Variants in TF observed in about 807,000 individuals in gnomAD.
TF encodes transferrin, also known as serotransferrin.
In TF, 55 loss-of-function variants were observed where a neutral mutation model predicts 82.4. That is an observed-to-expected ratio of 0.67 (90% CI 0.54 to 0.84). TF has a LOEUF of 0.84. Ranked by LOEUF, TF falls within the 40% of genes least tolerant of loss-of-function variation. The pLI is 0.00. For synonymous variants in TF, 332 were observed against 332.6 expected, an observed-to-expected ratio of 1.00 and a Z score of 0.02; for missense variants, 737 against 868.4, an observed-to-expected ratio of 0.85 and a Z score of 1.90.
In TF at chr3:133,777,127, AGAG is replaced by A; in HGVS notation, c.1952_1954del (p.Arg651_Asp652delinsAsn). On this transcript the variant is annotated inframe_deletion, in exon 16 of 17. Transcript: ENST00000402696. ...GTCGGAAACCAAGGACCTTCTGTTC[AGAG>A]ATGACACAGTATGTTTGGCCAAACT... The A allele has an allele frequency of 6.2e-7, 1 of 1,614,212 alleles. No individual in the cohort carries two copies. Among genetic ancestry groups the A allele is most frequent in the South Asian group, 1.1e-5 (1 of 91,086 alleles).
chr3:133,796,566 G>GC lies in TF; in HGVS notation c.*17950dup, dbSNP rs1429942928. On this transcript the variant is annotated 3_prime_UTR_variant, in exon 17 of 17. Transcript: ENST00000402696. ...GAAAATTCTGTAACCGGGCTATTGA[G>GC]CCCCTATGCTCAAGCCCTCTGCCAC... The GC allele has an allele frequency of 6.6e-6, 1 of 152,214 alleles. No individual in the cohort carries two copies. The allele number at this position is 152,214 out of a possible 1,614,324, so 9.4% of individuals were successfully genotyped here. A position where few individuals can be genotyped will look rare whatever the true frequency, so the allele number is the denominator to read the frequency against.
chr3:133,663,351 A>ATT, the TF span, among the ~76,000 whole-genome samples: 77,498 of 127,948 alleles, frequency 0.61, 24,754 homozygotes, highest in East Asian at 0.84. Flanking sequence ...AATATCATTA[A>ATT]TTTTTTTTTT....
the TF span, among the ~76,000 whole-genome samples, chr3:133,720,239 A>G: frequency 6.6e-6 from 1 of 152,152 alleles, no homozygotes; most frequent in African/African-American, 2.4e-5. Context: ...ATGGGTCTGT[A>G]ATAGGTGGTC....
intron 9 of TF, among the ~76,000 whole-genome samples, chr3:133,763,004 T>A (rs1456560867): frequency 6.6e-6 from 1 of 152,182 alleles, no homozygotes; most frequent in Non-Finnish European, 1.5e-5. Context: ...AGTAAAATAG[T>A]AGGAGAGCAA....
At chr3:133,726,101 T>C in the TF span, among the ~76,000 whole-genome samples, 2 of 152,246 alleles carry the variant, frequency 1.3e-5, no homozygotes, top group Non-Finnish European at 2.9e-5. Flanking sequence ...TCATTAAGGA[T>C]ATTGGTCTAA....
At chr3:133,724,793 A>C in the TF span, among the ~76,000 whole-genome samples, 1 of 152,188 alleles carries the variant, frequency 6.6e-6, no homozygotes, top group Non-Finnish European at 1.5e-5. Flanking sequence ...TTTTAGGTCT[A>C]ACATGTAAGT....
chr3:133,754,815 G>T lies in TF; in HGVS notation c.502+144G>T. On this transcript the variant is annotated intron_variant, in intron 4 of 16. Coordinates refer to ENST00000402696, the MANE Select transcript of TF (RefSeq NM_001063.4). ...AGGTTAACAGACTTTAAACTGGCAG[G>T]TCTGCTGCACCAGCAGCACTTGGGA... 12 of 940,346 alleles carry T rather than the reference G, an allele frequency of 1.3e-5. No individual in the cohort carries two copies. In the South Asian group the frequency reaches 1.6e-4, roughly 12 times the overall value. The allele number at this position is 940,346 out of a possible 1,614,324, so 58.3% of individuals were successfully genotyped here.
chr3:133,758,974 T>C (rs909040455), intron 8 of TF, among the ~76,000 whole-genome samples: 2 of 152,114 alleles, frequency 1.3e-5, no homozygotes, highest in Admixed American at 6.6e-5. Context: ...TCGGAAGACA[T>C]AAAAAACTAA....
chr3:133,711,542 G>T, the TF span, among the ~76,000 whole-genome samples: 4 of 152,124 alleles, frequency 2.6e-5, no homozygotes, highest in African/African-American at 9.6e-5. Flanking sequence ...CTCATCCTCC[G>T]CATAGCCATC....
At chr3:133,663,561 G>A in the TF span, among the ~76,000 whole-genome samples, 1 of 152,062 alleles carries the variant, frequency 6.6e-6, no homozygotes, top group South Asian at 2.1e-4. Flanking sequence ...TATTTCTAGG[G>A]CACTTTACAG....
the TF span, among the ~76,000 whole-genome samples, chr3:133,692,376 C>A: frequency 3.3e-5 from 5 of 152,180 alleles, no homozygotes; most frequent in African/African-American, 1.2e-4. Flanking sequence ...TCCTCTCACA[C>A]CTTTACTTCG....
chr3:133,764,859 T>A lies in TF; in HGVS notation c.1298-16T>A, dbSNP rs1279918582. The A allele has an allele frequency of 3.7e-6, 6 of 1,613,472 alleles. No individual in the cohort carries two copies. The highest frequency in any genetic ancestry group is 2.7e-5 in the African/African-American group (2 of 74,908). On this transcript the variant is annotated splice_polypyrimidine_tract_variant and intron_variant, in intron 10 of 16. Coordinates refer to ENST00000402696, the MANE Select transcript of TF (RefSeq NM_001063.4). ...ATCAGGGTTTAATGCCTTTTTCATT[T>A]TCTTTTCTCCTGCAGAGAGCGATAA...
Position 133,780,273 on chromosome 3 carries a change from TTTTCC to T in TF, c.*1657_*1661del, listed in dbSNP as rs1349381747. 3 of 152,302 alleles carry T rather than the reference TTTTCC, an allele frequency of 2.0e-5. No homozygotes were observed. The highest frequency in any genetic ancestry group is 4.4e-5 in the Non-Finnish European group (3 of 68,040). 9.4% of individuals were successfully genotyped at this position (152,302 alleles called of 1,614,324 possible). On this transcript the variant is annotated 3_prime_UTR_variant, in exon 17 of 17. Transcript: ENST00000402696. ...TTACCCCAAATCCTATAACTCTGCC[TTTTCC>T]TTTGTTTGGTGAGATACCCCATGGC...
chr3:133,753,540 G>A, intron 2 of TF, 55 bp from the exon 3 acceptor site: 1 of 1,511,870 alleles, frequency 6.6e-7, no homozygotes, highest in Non-Finnish European at 9.2e-7. Flanking sequence ...GTGGGTTGAG[G>A]TGGGCCTTCC....
the TF span, among the ~76,000 whole-genome samples, chr3:133,726,100 A>T: frequency 6.6e-6 from 1 of 152,158 alleles, no homozygotes; most frequent in Non-Finnish European, 1.5e-5. Context: ...TTCATTAAGG[A>T]TATTGGTCTA....
chr3:133,714,234 C>T, the TF span, among the ~76,000 whole-genome samples: 1 of 152,096 alleles, frequency 6.6e-6, no homozygotes, highest in Non-Finnish European at 1.5e-5. Flanking sequence ...TGTCTCGGAG[C>T]CCTGTTGGCC....
chr3:133,693,821 G>A, the TF span, among the ~76,000 whole-genome samples: 1 of 152,226 alleles, frequency 6.6e-6, no homozygotes, highest in Non-Finnish European at 1.5e-5. Context: ...TTCCTGCTGT[G>A]TTTAGAGTTC....
the TF span, among the ~76,000 whole-genome samples, chr3:133,669,629 C>A: frequency 2.0e-5 from 3 of 152,172 alleles, no homozygotes; most frequent in African/African-American, 7.2e-5. Flanking sequence ...ATTTGAATAT[C>A]AACACACAGA....
chr3:133,683,320 A>T, the TF span, among the ~76,000 whole-genome samples: 1 of 152,214 alleles, frequency 6.6e-6, no homozygotes, highest in East Asian at 1.9e-4. Flanking sequence ...ACCAGCTAAC[A>T]TCATAATGAC....
Sources: allele counts gnomAD v4.1 joint callset (sites outside exome capture counted in the v4.1 genomes callset), GRCh38; gene constraint gnomAD v4.1.1; transcripts MANE v1.5; gene names NCBI Gene and HGNC (gene_info 2026-07-23, HGNC 2026-07-21).